The following MACF1 variants were observed in gnomAD, a reference collection of about 807,000 sequenced individuals.
MACF1 encodes the protein microtubule actin crosslinking factor 1.
Under a neutral mutation model 854.8 loss-of-function variants are expected in MACF1, and 193 were observed. The ratio of observed to expected loss-of-function variants is 0.23; its 90% CI spans 0.20 to 0.25. The LOEUF (loss-of-function observed/expected upper bound fraction) is 0.25. Ranked by LOEUF, MACF1 falls within the 10% of genes least tolerant of loss-of-function variation. The pLI is 1.00. For missense variants in MACF1, 7,722 were observed against 8,929.1 expected (o/e 0.86, Z 5.45); for synonymous variants, 3,185 against 3,226.7 (o/e 0.99, Z 0.44).
intron 58 of MACF1, among the ~76,000 whole-genome samples, chr1:39,416,965 T>C (rs1019670999): frequency 2.6e-5 from 4 of 152,246 alleles, no homozygotes; most frequent in African/African-American, 9.6e-5. Flanking sequence ...GTTTGCTAAA[T>C]TGGTGAAATA....
chr1:39,281,848 A>G (rs762702990), intron 6 of MACF1, among the ~76,000 whole-genome samples: 9 of 152,176 alleles, frequency 5.9e-5, no homozygotes, highest in Admixed American at 6.5e-5. Flanking sequence ...ATGACTTCCT[A>G]TCAAGTTGTA....
rs150547690 is a variant in MACF1, at chr1:39,286,407, G to C, written c.1508+649G>C. Among the ~76,000 whole-genome samples, 110 of 152,134 alleles carry C rather than the reference G, an allele frequency of 7.2e-4. 1 individual carries two copies. Among genetic ancestry groups the C allele is most frequent in the African/African-American group, 2.6e-3 (109 of 41,496 alleles). Reference sequence around the variant, plus strand: ...GTGATCCATCACATTCTTTTTATAGGGGGGAAAATTGAGACCCACAGAAGA... The same window carrying C: ...GTGATCCATCACATTCTTTTTATAGCGGGGAAAATTGAGACCCACAGAAGA... On this transcript the variant is annotated intron_variant, in intron 14 of 100. Coordinates refer to ENST00000564288, the MANE Select transcript of MACF1 (RefSeq NM_001394062.1).
chr1:39,401,072 C>T (rs1642459644), intron 58 of MACF1, among the ~76,000 whole-genome samples: 1 of 152,132 alleles, frequency 6.6e-6, no homozygotes, highest in Non-Finnish European at 1.5e-5. Flanking sequence ...GGTCATGATT[C>T]AACACAGCTT....
intron 56 of MACF1, among the ~76,000 whole-genome samples, chr1:39,384,647 A>C (rs2148562839): frequency 6.6e-6 from 1 of 152,338 alleles, no homozygotes; most frequent in East Asian, 1.9e-4. Context: ...CTCTTTGTCT[A>C]ATTATGCTAT....
At chr1:39,273,075 G>A (rs1645356594) in intron 6 of MACF1, among the ~76,000 whole-genome samples, 1 of 150,948 alleles carries the variant, frequency 6.6e-6, no homozygotes, top group South Asian at 2.1e-4. Context: ...CTGCTGCCAA[G>A]CTCCTGCCCA....
intron 47 of MACF1, among the ~76,000 whole-genome samples, chr1:39,360,011 AAATATATATATATATATATAT>A (rs1647986963): frequency 1.5e-4 from 7 of 46,608 alleles, no homozygotes; most frequent in African/African-American, 2.5e-4. Context: ...AAAAAAAAAA[AAATATATATATATATATATAT>A]ATATATATAT....
At position 39,105,602 on chromosome 1, in the gene MACF1, C is replaced by T. The variant is rs1181054556; in HGVS notation, c.220+21164C>T. 51 of 1,215,462 alleles carry T rather than the reference C, an allele frequency of 4.2e-5. No individual in the cohort carries two copies. The highest frequency in any genetic ancestry group is 4.8e-5 in the Non-Finnish European group (46 of 951,542). The allele number at this position is 1,215,462 out of a possible 1,614,324, so 75.3% of individuals were successfully genotyped here. ...GGAACCGGCAGCCCCCGGGGCTCGG[C>T]GAGAAGGCGGTGCGGGCGGCCATGG... On this transcript the variant is annotated intron_variant, in intron 2 of 93. Transcript: ENST00000361689. The surrounding 1 kb of genome is among the most constrained non-coding windows in gnomAD (Gnocchi z 5.9).
chr1:39,277,969 A>G (rs1645469051), intron 6 of MACF1, among the ~76,000 whole-genome samples: 1 of 152,136 alleles, frequency 6.6e-6, no homozygotes, highest in Non-Finnish European at 1.5e-5. Context: ...TACTTATTGA[A>G]TTATTAGGAA....
At chr1:39,222,218 G>A (rs904100279) in intron 1 of MACF1, among the ~76,000 whole-genome samples, 4 of 152,134 alleles carry the variant, frequency 2.6e-5, no homozygotes, top group African/African-American at 9.7e-5. Context: ...TCTGCCTCCT[G>A]GGCTCAAGTG....
intron 2 of MACF1, among the ~76,000 whole-genome samples, chr1:39,100,453 G>A (rs1301894062): frequency 6.6e-6 from 1 of 152,216 alleles, no homozygotes; most frequent in Non-Finnish European, 1.5e-5. Context: ...AAGGGATGCT[G>A]TGAGACAAAC....
In MACF1 at chr1:39,312,138, C is replaced by T. The variant is rs143415134; in HGVS notation, c.3270+1138C>T. ...CTTTGGGAGGCCGAGATGGGAGAATCGCTTGAACCCAAGAGTTTGAGGCTT... is the reference window on the plus strand; with the variant it reads ...CTTTGGGAGGCCGAGATGGGAGAATTGCTTGAACCCAAGAGTTTGAGGCTT... On this transcript the variant is annotated intron_variant, in intron 26 of 100. Transcript: ENST00000564288. Among the ~76,000 whole-genome samples the T allele has an allele frequency of 6.4e-3, 974 of 152,204 alleles. 12 individuals carry two copies. The highest frequency in any genetic ancestry group is 0.022 in the African/African-American group (922 of 41,518).
At chr1:39,138,699 C>T (rs1643248346) in intron 2 of MACF1, among the ~76,000 whole-genome samples, 1 of 151,912 alleles carries the variant, frequency 6.6e-6, no homozygotes, top group African/African-American at 2.4e-5. Context: ...GAGTCTTGCT[C>T]TGTCACCCAC....
chr1:39,419,333 T>C (rs1643443545), intron 58 of MACF1, among the ~76,000 whole-genome samples: 1 of 152,170 alleles, frequency 6.6e-6, no homozygotes, highest in Non-Finnish European at 1.5e-5. Flanking sequence ...ACAAAGTAAA[T>C]CCAAAAGTTT....
chr1:39,427,309 A>G (rs1167825134), intron 61 of MACF1, 146 bp from the exon 62 acceptor site: 4 of 605,214 alleles, frequency 6.6e-6, no homozygotes, highest in Non-Finnish European at 1.1e-5. Flanking sequence ...CCTTTAAAAC[A>G]TCGAAATGCT....
At chr1:39,153,556 T>A (rs1643625167) in intron 2 of MACF1, among the ~76,000 whole-genome samples, 1 of 152,188 alleles carries the variant, frequency 6.6e-6, no homozygotes, top group South Asian at 2.1e-4. Flanking sequence ...TTAAAGCCTC[T>A]TGTTGGGCCG....
chr1:39,243,010 A>C (rs1241719462), intron 2 of MACF1, among the ~76,000 whole-genome samples: 1 of 152,238 alleles, frequency 6.6e-6, no homozygotes, highest in Non-Finnish European at 1.5e-5. Flanking sequence ...TTAACCTGTT[A>C]GTAACCATCA....
intron 2 of MACF1, among the ~76,000 whole-genome samples, chr1:39,236,300 G>C (rs1450782806): frequency 6.6e-6 from 1 of 152,172 alleles, no homozygotes; most frequent in Non-Finnish European, 1.5e-5. Context: ...ATAGCACCAA[G>C]TTTCCCTCAT....
intron 2 of MACF1, among the ~76,000 whole-genome samples, chr1:39,138,024 A>C (rs1643227379): frequency 7.1e-6 from 1 of 141,726 alleles, no homozygotes; most frequent in African/African-American, 2.6e-5. Flanking sequence ...CAGTTAGCCG[A>C]GATTGTGCCA....
chr1:39,352,926 C>A (rs1403720182), intron 43 of MACF1, 81 bp from the exon 44 acceptor site: 2 of 871,848 alleles, frequency 2.3e-6, no homozygotes, highest in African/African-American at 1.7e-5. Context: ...TTATCTCCTC[C>A]CCTTTACCCC....
Sources: allele counts gnomAD v4.1 joint callset (sites outside exome capture counted in the v4.1 genomes callset), GRCh38; gene constraint gnomAD v4.1.1; non-coding constraint Gnocchi (gnomAD v3.1); transcripts MANE v1.5; gene names NCBI Gene and HGNC (gene_info 2026-07-23, HGNC 2026-07-21).